The following GRK1 variants were observed in gnomAD, a reference collection of about 807,000 sequenced individuals.
The protein encoded by GRK1 is G protein-coupled receptor kinase 1.
In GRK1, 28 loss-of-function variants were observed where a neutral mutation model predicts 41.7. The observed-to-expected ratio is 0.67, with a 90% confidence interval of 0.50 to 0.92. GRK1 has a LOEUF of 0.92. Ranked by LOEUF, GRK1 falls within the 40% of genes least tolerant of loss-of-function variation. The pLI is 0.00. For missense variants in GRK1, 703 were observed against 671.2 expected (o/e 1.05, Z -0.52); for synonymous variants, 327 against 286.7 (o/e 1.14, Z -1.42).
chr13:113,656,628 C>T, the GRK1 span, among the ~76,000 whole-genome samples: 2 of 152,214 alleles, frequency 1.3e-5, no homozygotes, highest in African/African-American at 4.8e-5. Flanking sequence ...GCTCACTCTG[C>T]CTCTCCTGCA....
chr13:113,728,715 C>T (rs775537013), intron 4 of GRK1, among the ~76,000 whole-genome samples: 25 of 152,186 alleles, frequency 1.6e-4, no homozygotes, highest in Non-Finnish European at 2.5e-4. Flanking sequence ...GTGGGATCTG[C>T]GGTTTCCACC....
Position 113,731,364 on chromosome 13 carries a change from G to A in GRK1, c.1194+21G>A. ...AGAAGGTAGGAGGCGGCCGGCAGGT[G>A]TCTCTGCAGCCACCTTGGCGCCCTG... is the stretch of plus-strand genomic sequence containing the variant. On this transcript the variant is annotated intron_variant, in intron 5 of 6. Transcript: ENST00000335678. The surrounding 1 kb of genome is among the most constrained non-coding windows in gnomAD (Gnocchi z 5.6). The A allele has an allele frequency of 6.5e-7, 1 of 1,536,536 alleles. No homozygotes were observed. The highest frequency in any genetic ancestry group is 8.7e-7 in the Non-Finnish European group (1 of 1,146,704).
chr13:113,656,441 C>T, the GRK1 span, among the ~76,000 whole-genome samples: 8 of 152,318 alleles, frequency 5.3e-5, no homozygotes, highest in Admixed American at 3.3e-4. Context: ...CCCTGCCTCC[C>T]GGGTAGGAGC....
the GRK1 span, among the ~76,000 whole-genome samples, chr13:113,658,709 C>T: frequency 2.6e-5 from 4 of 152,180 alleles, no homozygotes; most frequent in Non-Finnish European, 4.4e-5. Flanking sequence ...TGGCAGGGAA[C>T]ACAGGGGTCC....
At chr13:113,665,572 C>T (rs1396664377), upstream of GRK1, among the ~76,000 whole-genome samples, 1 of 149,676 alleles carries the variant, frequency 6.7e-6, no homozygotes, top group East Asian at 2.0e-4. Context: ...AGGTGCATCC[C>T]AGGTGTGTCT....
the GRK1 span, among the ~76,000 whole-genome samples, chr13:113,654,434 C>T: frequency 1.3e-5 from 2 of 152,174 alleles, no homozygotes; most frequent in Admixed American, 6.5e-5. Context: ...GTTTCCTGTG[C>T]GTCCTTGCAG....
intron 6 of GRK1, among the ~76,000 whole-genome samples, chr13:113,734,159 C>T (rs1413792030): frequency 6.6e-6 from 1 of 151,564 alleles, no homozygotes; most frequent in Non-Finnish European, 1.5e-5. Flanking sequence ...GGTCAGGCCA[C>T]GTGCAGTGTG....
At chr13:113,728,102 C>G (rs1340524441) in intron 4 of GRK1, among the ~76,000 whole-genome samples, 1 of 99,072 alleles carries the variant, frequency 1.0e-5, no homozygotes, top group East Asian at 3.3e-4. Flanking sequence ...GTACCCATGG[C>G]AATGAGGAGT....
chr13:113,731,141 A>G lies in GRK1; in HGVS notation c.1070-78A>G, dbSNP rs2049933761. The stretch of plus-strand genomic sequence containing the variant: ...CCCGGGGGGGATGCATCCCCAGAGC[A>G]TCAGTCCTGCGATTCCTGGAGTGCG... On this transcript the variant is annotated intron_variant, in intron 4 of 6. Transcript: ENST00000335678. The surrounding 1 kb of genome is among the most constrained non-coding windows in gnomAD (Gnocchi z 5.6). 6.7e-7 allele frequency: 1 copy of G among 1,493,430 alleles called. No homozygotes were observed. Among genetic ancestry groups the G allele is most frequent in the Non-Finnish European group, 8.9e-7 (1 of 1,119,880 alleles). The allele number at this position is 1,493,430 out of a possible 1,614,324, so 92.5% of individuals were successfully genotyped here. A position where few individuals can be genotyped will look rare whatever the true frequency, so the allele number is the denominator to read the frequency against.
chr13:113,665,118 G>C (rs2140712962), upstream of GRK1, among the ~76,000 whole-genome samples: 1 of 152,308 alleles, frequency 6.6e-6, no homozygotes, highest in African/African-American at 2.4e-5. Context: ...CACGTGGAAT[G>C]GGGTGGGCTG....
At chr13:113,672,024 T>TG (rs1358981463) in intron 3 of GRK1, among the ~76,000 whole-genome samples, 1 of 146,130 alleles carries the variant, frequency 6.8e-6, no homozygotes, top group Non-Finnish European at 1.5e-5. Flanking sequence ...AGAGAGTGCG[T>TG]GGGGGGCGGG....
Position 113,735,130 on chromosome 13 carries a change from G to T in GRK1, c.1459G>T (p.Val487Leu). ...TGTCTACGCAAAGGATATTCAGGACGTGGGTGCCTTTTCCACCGTCAAAGG... is the reference window on the plus strand; with the variant it reads ...TGTCTACGCAAAGGATATTCAGGACTTGGGTGCCTTTTCCACCGTCAAAGG... ...KTVYAKDIQD[V>L]GAFSTVKGVA... Residue 487 changes from valine (V) to leucine (L), a missense_variant, in exon 7 of 7, where the codon GTG becomes TTG. Val to Leu is a conservative substitution (Grantham distance 32). Coordinates refer to ENST00000335678, the MANE Select transcript of GRK1 (RefSeq NM_002929.3). 1.3e-6 allele frequency: 2 copies of T among 1,537,100 alleles called. No individual in the cohort carries two copies. Among genetic ancestry groups the T allele is most frequent in the Non-Finnish European group, 1.7e-6 (2 of 1,146,832 alleles).
At chr13:113,663,677 G>A (rs117141204), upstream of GRK1, among the ~76,000 whole-genome samples, 70 of 152,260 alleles carry the variant, frequency 4.6e-4, 1 homozygote, top group Non-Finnish European at 2.8e-4. Flanking sequence ...CCAAGAGCAC[G>A]CACAGATGGC....
chr13:113,727,324 C>T (rs867160811), intron 4 of GRK1, among the ~76,000 whole-genome samples: 1 of 152,222 alleles, frequency 6.6e-6, no homozygotes, highest in Non-Finnish European at 1.5e-5. Context: ...AGGCAGCCCA[C>T]GGTCTATGGA....
rs1458227162 is a variant in GRK1 at position 113,723,111 on chromosome 13, G to A, written c.1023G>A (p.Glu341=). 2.9e-6 allele frequency: 2 copies of A among 701,680 alleles called. No homozygotes were observed. The highest frequency in any genetic ancestry group is 3.0e-5 in the South Asian group (2 of 67,480). 43.5% of individuals were successfully genotyped at this position (701,680 alleles called of 1,614,324 possible). ...TCTCTGACCTTGGGCTGGCCGTGGA[G>A]CTGCTGGACGGACAGAGCAAGACCA... ...VRISDLGLAV[E]LLDGQSKTKG... The change falls in exon 4 of 7, where the codon GAG becomes GAA. Residue 341 remains glutamate (E), a synonymous_variant. Coordinates refer to ENST00000335678, the MANE Select transcript of GRK1 (RefSeq NM_002929.3).
chr13:113,650,690 A>G, the GRK1 span, among the ~76,000 whole-genome samples: 7 of 152,176 alleles, frequency 4.6e-5, no homozygotes, highest in African/African-American at 1.4e-4. The surrounding 1 kb of genome is among the most constrained non-coding windows in gnomAD (Gnocchi z 5.0). Flanking sequence ...CAGCAAGGAT[A>G]TGATTTGTTA....
At chr13:113,657,917 G>A in the GRK1 span, 1 of 836,784 alleles carries the variant, frequency 1.2e-6, no homozygotes, top group East Asian at 2.7e-5. Context: ...CATCCAGGCA[G>A]CATCGGGGTC....
At chr13:113,733,744 C>T (rs1299233656) in intron 6 of GRK1, among the ~76,000 whole-genome samples, 1 of 107,726 alleles carries the variant, frequency 9.3e-6, no homozygotes. Flanking sequence ...TGTATGTGTG[C>T]ATACATGTGT....
chr13:113,731,227 G>C lies in GRK1; in HGVS notation c.1078G>C (p.Ala360Pro), dbSNP rs923853720. 1.0e-5 allele frequency: 16 copies of C among 1,536,876 alleles called. No homozygotes were observed. The highest frequency in any genetic ancestry group is 1.4e-5 in the Non-Finnish European group (16 of 1,146,736). The change falls in exon 5 of 7, where the codon GCC becomes CCC. Residue 360 changes from alanine (A) to proline (P), a missense_variant. Physicochemically the swap from Ala to Pro is conservative, Grantham distance 27 (BLOSUM62 -1). Coordinates refer to ENST00000335678, the MANE Select transcript of GRK1 (RefSeq NM_002929.3). The surrounding 1 kb of genome is among the most constrained non-coding windows in gnomAD (Gnocchi z 5.6). ...KGYAGTPGFMAPELLQGEEYD... is the reference protein window; with the variant it reads ...KGYAGTPGFMPPELLQGEEYD... ...ATGTCCCTTGCTGGCAGGTTTCATG[G>C]CCCCCGAGCTCCTGCAGGGCGAGGA...
Sources: gnomAD v4.1 joint callset for allele counts (sites outside exome capture counted in the v4.1 genomes callset) on GRCh38, gnomAD v4.1.1 for gene constraint, Gnocchi (gnomAD v3.1) non-coding constraint, MANE v1.5 for transcripts, NCBI Gene and HGNC (gene_info 2026-07-23, HGNC 2026-07-21) for gene names.